Variants in SLC39A11 observed in about 807,000 individuals in gnomAD.
SLC39A11 encodes zinc transporter ZIP11.
In SLC39A11, 33 loss-of-function variants were observed where a neutral mutation model predicts 36.1. That is an observed-to-expected ratio of 0.91 (90% CI 0.69 to 1.22). The LOEUF (loss-of-function observed/expected upper bound fraction) is 1.22, where lower values mean the gene tolerates loss of function less well. Ranked by LOEUF, SLC39A11 falls within the 50% of genes most tolerant of loss-of-function variation. The pLI is 0.00. For synonymous variants in SLC39A11, 166 were observed against 170.3 expected (o/e 0.97, Z 0.20); for missense variants, 432 against 430.3 (o/e 1.00, Z -0.03).
chr17:72,660,908 G>A (rs908828257), intron 7 of SLC39A11, among the ~76,000 whole-genome samples: 1 of 152,188 alleles, frequency 6.6e-6, no homozygotes, highest in Non-Finnish European at 1.5e-5. Context: ...TCTCCGGGGA[G>A]GGGGAGGGGA....
At chr17:72,717,197 G>A (rs1052310341) in intron 7 of SLC39A11, among the ~76,000 whole-genome samples, 3 of 150,482 alleles carry the variant, frequency 2.0e-5, no homozygotes, top group South Asian at 4.2e-4. Flanking sequence ...AATTTAAAAA[G>A]AGGAAAAAAA....
In SLC39A11 at chr17:72,961,654, C is replaced by T. The variant is rs563193898; in HGVS notation, c.307-13779G>A. Among the ~76,000 whole-genome samples the T allele has an allele frequency of 4.6e-3, 700 of 151,998 alleles. 10 individuals are homozygous for T. Among genetic ancestry groups the T allele is most frequent in the African/African-American group, 0.015 (637 of 41,402 alleles). ...ATCACAAGGACAGAAAACCAAACAC[C>T]GCATGTTCTCACTCATAGGTGGGAA... On this transcript the variant is annotated intron_variant, in intron 4 of 9. Coordinates refer to ENST00000255559, the MANE Select transcript of SLC39A11 (RefSeq NM_139177.4).
chr17:72,934,149 C>G (rs2084601989), intron 5 of SLC39A11, among the ~76,000 whole-genome samples: 1 of 151,572 alleles, frequency 6.6e-6, no homozygotes, highest in South Asian at 2.1e-4. Context: ...AGGAGAAAAC[C>G]TTTGCAAACT....
chr17:72,959,363 AT>A (rs2086466593), intron 4 of SLC39A11, among the ~76,000 whole-genome samples: 1 of 139,550 alleles, frequency 7.2e-6, no homozygotes, highest in Non-Finnish European at 1.5e-5. Flanking sequence ...ATATATATAT[AT>A]ATGATCGAAT....
chr17:72,885,528 T>C (rs1187217390), intron 5 of SLC39A11, among the ~76,000 whole-genome samples: 1 of 152,170 alleles, frequency 6.6e-6, no homozygotes, highest in Non-Finnish European at 1.5e-5. Flanking sequence ...GAACCTGTCC[T>C]GTGCACCATC....
intron 5 of SLC39A11, among the ~76,000 whole-genome samples, chr17:72,933,128 T>C (rs976202576): frequency 6.6e-6 from 1 of 152,110 alleles, no homozygotes; most frequent in Non-Finnish European, 1.5e-5. Context: ...GCATACAGAT[T>C]GAAAGGAAGA....
intron 4 of SLC39A11, among the ~76,000 whole-genome samples, chr17:72,967,780 CAGATTAATGTTGAGAGCCGCT>C (rs1568039050): frequency 6.6e-6 from 1 of 152,130 alleles, no homozygotes; most frequent in African/African-American, 2.4e-5. Context: ...AAATCAGCCT[CAGATTAATGTTGAGAGCCGCT>C]GGAGAGCTCA....
Position 72,647,410 on chromosome 17 carries a change from C to A in SLC39A11, c.*174G>T. 2.1e-6 allele frequency: 1 copy of A among 465,446 alleles called. No individual in the cohort carries two copies. The highest frequency in any genetic ancestry group is 3.8e-6 in the Non-Finnish European group (1 of 263,412). 28.8% of individuals were successfully genotyped at this position (465,446 alleles called of 1,614,324 possible). A position where few individuals can be genotyped will look rare whatever the true frequency, so the allele number is the denominator to read the frequency against. ...AATTCCCCATTAAATCAAAAATCTCCCTCAAAGCAAAGTAAAAATGGTTCT... is the reference window on the plus strand; with the variant it reads ...AATTCCCCATTAAATCAAAAATCTCACTCAAAGCAAAGTAAAAATGGTTCT... On this transcript the variant is annotated 3_prime_UTR_variant, in exon 10 of 10. Transcript: ENST00000255559.
At chr17:72,834,273 A>G (rs1263636453) in intron 6 of SLC39A11, among the ~76,000 whole-genome samples, 1 of 152,170 alleles carries the variant, frequency 6.6e-6, no homozygotes, top group Non-Finnish European at 1.5e-5. Context: ...AACTCATGTA[A>G]ATTTAGAGAA....
intron 6 of SLC39A11, among the ~76,000 whole-genome samples, chr17:72,765,880 C>T (rs1276858096): frequency 2.0e-5 from 3 of 152,142 alleles, no homozygotes; most frequent in African/African-American, 7.2e-5. Context: ...GGAAAGTTTT[C>T]AACAACCTCA....
intron 3 of SLC39A11, among the ~76,000 whole-genome samples, chr17:73,064,370 C>G (rs536349036): frequency 1.3e-5 from 2 of 152,068 alleles, no homozygotes; most frequent in African/African-American, 4.8e-5. Flanking sequence ...TTCTTTTCTC[C>G]GGAGGGCACA....
intron 4 of SLC39A11, among the ~76,000 whole-genome samples, chr17:72,992,206 C>G (rs2089225876): frequency 6.6e-6 from 1 of 151,978 alleles, no homozygotes; most frequent in South Asian, 2.1e-4. Context: ...ACTAAAATTA[C>G]TCGAGCTTGG....
intron 4 of SLC39A11, among the ~76,000 whole-genome samples, chr17:72,967,080 G>A (rs114228834): frequency 2.2e-3 from 328 of 152,218 alleles, no homozygotes; most frequent in African/African-American, 7.2e-3. Flanking sequence ...GGACCACCTC[G>A]TTGCAGGAAA....
chr17:72,716,410 C>T (rs16977351), intron 7 of SLC39A11, among the ~76,000 whole-genome samples: 6,475 of 151,816 alleles, frequency 0.043, 172 homozygotes, highest in African/African-American at 0.064. Context: ...ACGTGTTTCC[C>T]GTGACAAAGG....
chr17:73,012,776 T>TTATTTATTTATTTAGAGCCACA, intron 4 of SLC39A11, among the ~76,000 whole-genome samples: 1 of 151,952 alleles, frequency 6.6e-6, no homozygotes, highest in East Asian at 1.9e-4. Context: ...TTTATTTTAT[T>TTATTTATTTATTTAGAGCCACA]TATTTATTTA....
intron 6 of SLC39A11, among the ~76,000 whole-genome samples, chr17:72,748,983 A>T (rs6501562): frequency 6.6e-6 from 1 of 152,198 alleles, no homozygotes; most frequent in African/African-American, 2.4e-5. Flanking sequence ...CTGAGCACAC[A>T]CAGTTGTTGG....
chr17:73,081,670 C>CATATATGTATATATGTATTT (rs1568242944), intron 3 of SLC39A11, among the ~76,000 whole-genome samples: 1 of 82,206 alleles, frequency 1.2e-5, no homozygotes, highest in Non-Finnish European at 2.3e-5. Flanking sequence ...CACACACACA[C>CATATATGTATATATGTATTT]ATATATATAC....
intron 5 of SLC39A11, among the ~76,000 whole-genome samples, chr17:72,857,256 T>C (rs997017837): frequency 6.6e-6 from 1 of 152,220 alleles, no homozygotes; most frequent in African/African-American, 2.4e-5. Flanking sequence ...GTTCCTGCAT[T>C]AGTTTGCTAA....
intron 7 of SLC39A11, among the ~76,000 whole-genome samples, chr17:72,666,173 C>A (rs1412594595): frequency 6.6e-6 from 1 of 152,162 alleles, no homozygotes. Context: ...GTTTTGTGAT[C>A]CCTAAACAAC....
Sources: allele counts gnomAD v4.1 joint callset (sites outside exome capture counted in the v4.1 genomes callset), GRCh38; gene constraint gnomAD v4.1.1; transcripts MANE v1.5; gene names NCBI Gene and HGNC (gene_info 2026-07-23, HGNC 2026-07-21).